The following RLIG1 variants were observed in gnomAD, a reference collection of about 807,000 sequenced individuals.
RLIG1 encodes the protein RNA ligase 1.
the RLIG1 span, chr12:88,049,722 A>G: frequency 2.9e-4 from 54 of 184,892 alleles, no homozygotes; most frequent in African/African-American, 1.2e-3. Context: ...AGAGCAATCA[A>G]TCAAAAAGAT....
chr12:88,043,516 G>A, the RLIG1 span: 1 of 788,152 alleles, frequency 1.3e-6, no homozygotes. Context: ...GGTTTTAGTA[G>A]CTGTTCCCAT....
the RLIG1 span, chr12:88,049,090 GA>G: frequency 4.5e-6 from 3 of 662,818 alleles, no homozygotes; most frequent in South Asian, 7.4e-5. Flanking sequence ...TAGTGAGAAG[GA>G]AATACTACAG....
the RLIG1 span, chr12:88,045,544 C>T: frequency 1.8e-5 from 26 of 1,471,814 alleles, no homozygotes; most frequent in Non-Finnish European, 2.2e-5. Context: ...CAAAGAAAAA[C>T]GATCTAATAA....
At chr12:88,047,030 G>A in the RLIG1 span, 2 of 1,439,588 alleles carry the variant, frequency 1.4e-6, no homozygotes, top group East Asian at 4.9e-5. Flanking sequence ...TCCTACAATA[G>A]AGTAGAAGTG....
chr12:88,049,161 G>GAAAC, the RLIG1 span: 1 of 1,412,104 alleles, frequency 7.1e-7, no homozygotes, highest in Non-Finnish European at 9.7e-7. Flanking sequence ...ATAGTTAAAT[G>GAAAC]AAACAAAGTT....
chr12:88,040,371 TAAGTA>T, the RLIG1 span: 8 of 599,124 alleles, frequency 1.3e-5, no homozygotes, highest in South Asian at 1.7e-4. Context: ...CTTGGAAACC[TAAGTA>T]TAGTAGCAAA....
At chr12:88,037,842 T>G in the RLIG1 span, among the ~76,000 whole-genome samples, 1 of 152,324 alleles carries the variant, frequency 6.6e-6, no homozygotes, top group East Asian at 1.9e-4. Flanking sequence ...AGAAGTGGCA[T>G]AAGTCTTTTT....
chr12:88,035,537 C>G, the RLIG1 span: 584 of 1,124,240 alleles, frequency 5.2e-4, 2 homozygotes, highest in African/African-American at 8.6e-3. Context: ...TGGCTGGGCG[C>G]GGAGTGTGCG....
the RLIG1 span, among the ~76,000 whole-genome samples, chr12:88,046,428 G>T: frequency 6.6e-6 from 1 of 152,160 alleles, no homozygotes; most frequent in South Asian, 2.1e-4. Flanking sequence ...GGTACCAAAG[G>T]TTGGTAGACT....
At chr12:88,047,291 A>C in the RLIG1 span, among the ~76,000 whole-genome samples, 1 of 152,076 alleles carries the variant, frequency 6.6e-6, no homozygotes, top group Admixed American at 6.6e-5. Flanking sequence ...CATCTCCCAG[A>C]CTTGAGTGTA....
the RLIG1 span, chr12:88,035,703 G>GT: frequency 6.2e-7 from 1 of 1,607,598 alleles, no homozygotes; most frequent in East Asian, 2.2e-5. Flanking sequence ...TGTGACGGAG[G>GT]TGAAAGAGGA....
the RLIG1 span, chr12:88,048,854 G>T: frequency 5.2e-6 from 1 of 191,306 alleles, no homozygotes; most frequent in Non-Finnish European, 1.0e-5. Context: ...CTTAACACAT[G>T]TATAAATAAG....
At chr12:88,044,616 G>A in the RLIG1 span, 1 of 152,186 alleles carries the variant, frequency 6.6e-6, no homozygotes, top group African/African-American at 2.4e-5. Flanking sequence ...AGGTGCCACT[G>A]GAGAAAAGAG....
chr12:88,040,579 T>G, the RLIG1 span, among the ~76,000 whole-genome samples: 1 of 152,172 alleles, frequency 6.6e-6, no homozygotes, highest in Non-Finnish European at 1.5e-5. Flanking sequence ...TTTAGCAAAC[T>G]TAAATAATTT....
the RLIG1 span, chr12:88,041,725 A>C: frequency 3.3e-5 from 5 of 152,220 alleles, no homozygotes; most frequent in East Asian, 9.6e-4. Flanking sequence ...ATACAGTTTT[A>C]ATCTGGTTCT....
chr12:88,048,194 T>TATC, the RLIG1 span: 6 of 1,424,860 alleles, frequency 4.2e-6, no homozygotes, highest in South Asian at 1.6e-5. Flanking sequence ...ATGAAGATAG[T>TATC]ATCTGTATGC....
chr12:88,035,562 C>A, the RLIG1 span: 1 of 1,365,568 alleles, frequency 7.3e-7, no homozygotes, highest in Non-Finnish European at 1.0e-6. Flanking sequence ...CTGAGCCGTG[C>A]GGGTGACTGC....
chr12:88,045,439 T>A, the RLIG1 span: 38 of 640,536 alleles, frequency 5.9e-5, no homozygotes, highest in Non-Finnish European at 9.2e-5. Context: ...CTGTTAACTT[T>A]CCCACTGAAT....
At chr12:88,040,575 A>C in the RLIG1 span, among the ~76,000 whole-genome samples, 2 of 152,174 alleles carry the variant, frequency 1.3e-5, no homozygotes, top group Non-Finnish European at 2.9e-5. Flanking sequence ...GAGGTTTAGC[A>C]AACTTAAATA....
Sources: allele counts gnomAD v4.1 joint callset (sites outside exome capture counted in the v4.1 genomes callset), GRCh38; gene constraint gnomAD v4.1.1; transcripts MANE v1.5; gene names NCBI Gene and HGNC (gene_info 2026-07-23, HGNC 2026-07-21).